ART1: variants seen among roughly 807,000 people sequenced by gnomAD.
The protein encoded by ART1 is ADP-ribosyltransferase 1.
ART1 carries 29 observed loss-of-function variants against 27.0 expected under a neutral mutation model. That is an observed-to-expected ratio of 1.08 (90% CI 0.80 to 1.47). The LOEUF is 1.47. Ranked by LOEUF, ART1 falls within the 40% of genes most tolerant of loss-of-function variation. The pLI, the probability that ART1 is intolerant of heterozygous loss-of-function variation, is 0.00. For synonymous variants in ART1, 201 were observed against 172.2 expected (o/e 1.17, Z -1.31); for missense variants, 480 against 423.0 (o/e 1.13, Z -1.18).
chr11:3,646,631 A>G (rs1469938075), intron 1 of ART1, among the ~76,000 whole-genome samples: 2 of 152,118 alleles, frequency 1.3e-5, no homozygotes, highest in African/African-American at 4.8e-5. Flanking sequence ...GGCTTCATCA[A>G]TCAAGCAGCT....
chr11:3,659,632 A>G lies in ART1; in HGVS notation c.113A>G (p.Gln38Arg), dbSNP rs200793958. ...TRRDLFSQEI[Q>R]LDMALASFDD... is the part of the protein sequence containing the mutation. The stretch of plus-strand genomic sequence containing the variant: ...CGAGACCTCTTCTCTCAAGAGATTC[A>G]GCTGGACATGGCCCTGGCCTCCTTT... The change falls in exon 3 of 5, where the codon CAG becomes CGG. Residue 38 changes from glutamine to arginine, a missense_variant. Transcript: ENST00000250693. 8 of 1,613,142 alleles carry G rather than the reference A, an allele frequency of 5.0e-6. No individual in the cohort carries two copies. Among genetic ancestry groups the G allele is most frequent in the Non-Finnish European group, 6.8e-6 (8 of 1,179,880 alleles).
chr11:3,647,476 A>G (rs2133945263), intron 1 of ART1, among the ~76,000 whole-genome samples: 1 of 151,930 alleles, frequency 6.6e-6, no homozygotes, highest in South Asian at 2.1e-4. Context: ...TCTCAACTAA[A>G]TACAAAAATT....
chr11:3,659,768 C>A lies in ART1; in HGVS notation c.249C>A (p.Ser83Arg). The change falls in exon 3 of 5, where the codon AGC becomes AGA. Residue 83 changes from serine to arginine, a missense_variant. Coordinates refer to ENST00000250693, the MANE Select transcript of ART1 (RefSeq NM_004314.3). Reference protein sequence around the residue: ...QVYADSWTLASSQWQERQARW... With the variant: ...QVYADSWTLARSQWQERQARW... ...ATGCAGACAGCTGGACACTGGCAAG[C>A]AGCCAATGGCAGGAGCGTCAGGCCA... 4 of 1,613,678 alleles carry A rather than the reference C, an allele frequency of 2.5e-6. No individual in the cohort carries two copies. The highest frequency in any genetic ancestry group is 3.4e-6 in the Non-Finnish European group (4 of 1,179,890).
At chr11:3,647,651 T>C (rs1343314794) in intron 1 of ART1, among the ~76,000 whole-genome samples, 2 of 145,048 alleles carry the variant, frequency 1.4e-5, no homozygotes, top group African/African-American at 5.7e-5. Context: ...ATAAATAATA[T>C]ATAAATAAAA....
In ART1 at chr11:3,660,881, G is replaced by A. The variant is rs536983433; in HGVS notation, c.845-491G>A. Among the ~76,000 whole-genome samples, 3 of 152,352 alleles carry A rather than the reference G, an allele frequency of 2.0e-5. No individual in the cohort carries two copies. In the South Asian group the frequency reaches 6.2e-4, roughly 32 times the overall value. On this transcript the variant is annotated intron_variant, in intron 3 of 4. Coordinates refer to ENST00000250693, the MANE Select transcript of ART1 (RefSeq NM_004314.3). ...TGCTGTGCCCCTAAGGTCCAGCTCA[G>A]GCTGTGGTCAGGAAGTGGTGGATGC... is the stretch of plus-strand genomic sequence containing the variant.
At chr11:3,663,588 T>A (rs755479908) in intron 4 of ART1, among the ~76,000 whole-genome samples, 4 of 152,140 alleles carry the variant, frequency 2.6e-5, no homozygotes, top group Non-Finnish European at 5.9e-5. Context: ...CTAAATTCTT[T>A]ATTAAAAAAA....
intron 1 of ART1, among the ~76,000 whole-genome samples, chr11:3,649,891 C>T (rs1053294139): frequency 1.3e-5 from 2 of 152,144 alleles, no homozygotes; most frequent in African/African-American, 4.8e-5. Flanking sequence ...CGCTTTACAG[C>T]CCTAGACCCT....
chr11:3,650,065 G>A (rs59315528), intron 1 of ART1, among the ~76,000 whole-genome samples: 84,682 of 151,988 alleles, frequency 0.56, 24,352 homozygotes, highest in Admixed American at 0.72. Flanking sequence ...AGGCAGCCAA[G>A]TAGCAATGTA....
chr11:3,660,878 T>C (rs1335890922), intron 3 of ART1, among the ~76,000 whole-genome samples: 8 of 152,236 alleles, frequency 5.3e-5, no homozygotes, highest in Non-Finnish European at 1.2e-4. Context: ...AAGGTCCAGC[T>C]CAGGCTGTGG....
intron 1 of ART1, among the ~76,000 whole-genome samples, chr11:3,651,694 A>T (rs926814927): frequency 2.8e-5 from 4 of 144,824 alleles, no homozygotes; most frequent in African/African-American, 1.0e-4. Flanking sequence ...CTCATACCTG[A>T]TGCATATACT....
At position 3,659,946 on chromosome 11, in the gene ART1, G is replaced by A; in HGVS notation, c.427G>A (p.Ala143Thr). Residue 143 changes from alanine to threonine, a missense_variant, in exon 3 of 5, where the codon GCC becomes ACC. Physicochemically the swap from Ala to Thr is moderately conservative, Grantham distance 58. Coordinates refer to ENST00000250693, the MANE Select transcript of ART1 (RefSeq NM_004314.3). Reference protein sequence around the residue: ...AAVREAGRSRAHYLHHFSFKT... With the variant: ...AAVREAGRSRTHYLHHFSFKT... ...CGTGCGTGAGGCGGGCCGCTCCCGGGCCCACTACCTCCACCACTTCTCCTT... is the reference window on the plus strand; with the variant it reads ...CGTGCGTGAGGCGGGCCGCTCCCGGACCCACTACCTCCACCACTTCTCCTT... 6.2e-7 allele frequency: 1 copy of A among 1,613,802 alleles called. No individual in the cohort carries two copies. Among genetic ancestry groups the A allele is most frequent in the South Asian group, 1.1e-5 (1 of 91,062 alleles).
chr11:3,649,187 C>T (rs982925964), intron 1 of ART1, among the ~76,000 whole-genome samples: 1 of 152,164 alleles, frequency 6.6e-6, no homozygotes, highest in African/African-American at 2.4e-5. Flanking sequence ...CTCCGTTCCT[C>T]CGTCTCCCTT....
At chr11:3,650,930 C>G (rs912466795) in intron 1 of ART1, among the ~76,000 whole-genome samples, 1 of 149,386 alleles carries the variant, frequency 6.7e-6, no homozygotes, top group Non-Finnish European at 1.5e-5. Flanking sequence ...ATGCCAGTAT[C>G]CCATCCCACA....
chr11:3,655,324 G>C (rs1004728953), intron 1 of ART1, among the ~76,000 whole-genome samples: 1 of 115,856 alleles, frequency 8.6e-6, no homozygotes, highest in Non-Finnish European at 2.1e-5. Flanking sequence ...GAGCGGCAAA[G>C]TCAGACAGAG....
chr11:3,649,850 G>T (rs1277084083), intron 1 of ART1, among the ~76,000 whole-genome samples: 2 of 152,156 alleles, frequency 1.3e-5, no homozygotes, highest in Non-Finnish European at 2.9e-5. Flanking sequence ...ACCCCGCCCA[G>T]TTCATGGCTC....
chr11:3,649,406 G>T (rs372928399), intron 1 of ART1, among the ~76,000 whole-genome samples: 2 of 152,164 alleles, frequency 1.3e-5, no homozygotes, highest in Non-Finnish European at 2.9e-5. Flanking sequence ...GGTGCCTGAC[G>T]TCAAGGCATT....
At chr11:3,650,851 T>C (rs2077516057) in intron 1 of ART1, among the ~76,000 whole-genome samples, 1 of 128,264 alleles carries the variant, frequency 7.8e-6, no homozygotes, top group Non-Finnish European at 1.8e-5. Context: ...GCACCTCTAC[T>C]TCCTCCTTCG....
chr11:3,659,627 G>T lies in ART1; in HGVS notation c.108G>T (p.Glu36Asp). 1 of 1,612,786 alleles carries T rather than the reference G, an allele frequency of 6.2e-7. No homozygotes were observed. The highest frequency in any genetic ancestry group is 8.5e-7 in the Non-Finnish European group (1 of 1,179,774). The change falls in exon 3 of 5, where the codon GAG (glutamate) becomes GAT (aspartate). Residue 36 changes from glutamate (E) to aspartate (D), a missense_variant. By Grantham distance (45) the Glu-to-Asp change is conservative. Transcript: ENST00000250693. ...CACGACGAGACCTCTTCTCTCAAGAGATTCAGCTGGACATGGCCCTGGCCT... is the reference window on the plus strand; with the variant it reads ...CACGACGAGACCTCTTCTCTCAAGATATTCAGCTGGACATGGCCCTGGCCT... ...PITRRDLFSQ[E>D]IQLDMALASF... is the part of the protein sequence containing the mutation.
chr11:3,658,479 C>T (rs1177029236), intron 1 of ART1, among the ~76,000 whole-genome samples: 1 of 152,182 alleles, frequency 6.6e-6, no homozygotes, highest in Non-Finnish European at 1.5e-5. Flanking sequence ...CTTGTGGTTC[C>T]TGCTGCTTCT....
Sources: gnomAD v4.1 joint callset for allele counts (sites outside exome capture counted in the v4.1 genomes callset) on GRCh38, gnomAD v4.1.1 for gene constraint, MANE v1.5 for transcripts, NCBI Gene and HGNC (gene_info 2026-07-23, HGNC 2026-07-21) for gene names.